Variants in CEP170 observed in about 807,000 individuals in gnomAD.
The protein encoded by CEP170 is centrosomal protein 170.
CEP170 carries 21 observed loss-of-function variants against 151.9 expected under a neutral mutation model. The ratio of observed to expected loss-of-function variants is 0.14; its 90% CI spans 0.10 to 0.20. The LOEUF (loss-of-function observed/expected upper bound fraction) is 0.20. Among genes scored for constraint, CEP170 ranks in the 10% least tolerant of loss-of-function variants. The pLI, the probability that CEP170 is intolerant of heterozygous loss-of-function variation, is 1.00. For missense variants in CEP170, 964 were observed against 1,892.9 expected (o/e 0.51, Z 9.11); for synonymous variants, 356 against 648.8 (o/e 0.55, Z 6.86).
chr1:243,242,166 T>C (rs7549860), intron 1 of CEP170, among the ~76,000 whole-genome samples: 7,448 of 152,266 alleles, frequency 0.049, 381 homozygotes, highest in African/African-American at 0.13. Flanking sequence ...GACGTTAATT[T>C]GGAATCGACC....
intron 1 of CEP170, among the ~76,000 whole-genome samples, chr1:243,248,777 CA>C (rs1430421784): frequency 1.3e-5 from 2 of 152,126 alleles, no homozygotes; most frequent in Admixed American, 6.6e-5. Flanking sequence ...TGGCTTTGCT[CA>C]AAATCCTCCA....
At chr1:243,146,020 AAT>A (rs1475697078) in intron 14 of CEP170, among the ~76,000 whole-genome samples, 6 of 152,216 alleles carry the variant, frequency 3.9e-5, no homozygotes, top group Non-Finnish European at 4.4e-5. Context: ...GGAAAAAGAA[AAT>A]ATAAGGAAAA....
At chr1:243,225,533 G>C (rs1359695857) in intron 1 of CEP170, among the ~76,000 whole-genome samples, 1 of 152,120 alleles carries the variant, frequency 6.6e-6, no homozygotes, top group South Asian at 2.1e-4. Flanking sequence ...CAGTTAAAAA[G>C]GAAGAGACTA....
At chr1:243,134,940 T>A (rs940584339) in intron 17 of CEP170, among the ~76,000 whole-genome samples, 1 of 152,102 alleles carries the variant, frequency 6.6e-6, no homozygotes, top group African/African-American at 2.4e-5. Context: ...TAAAATATGA[T>A]CAAGTTTGTA....
rs533792137 is a variant in CEP170, at chr1:243,224,301, T to C, written c.105+875A>G. On this transcript the variant is annotated intron_variant, in intron 2 of 19. Transcript: ENST00000366542. Reference sequence around the variant, plus strand: ...GGCAATTTTGACCAGGCCCTTTTTTTCCTGTTACTTAAACTTCTGGTAAGA... The same window carrying C: ...GGCAATTTTGACCAGGCCCTTTTTTCCCTGTTACTTAAACTTCTGGTAAGA... Among the ~76,000 whole-genome samples, 3 of 152,322 alleles carry C rather than the reference T, an allele frequency of 2.0e-5. No individual in the cohort carries two copies. In the South Asian group the frequency reaches 6.2e-4, roughly 32 times the overall value.
chr1:243,159,802 T>TGTGTGTGTGTGTG (rs58250126), intron 13 of CEP170, among the ~76,000 whole-genome samples: 11 of 151,012 alleles, frequency 7.3e-5, no homozygotes, highest in South Asian at 2.1e-4. Flanking sequence ...TGTGTGTGTG[T>TGTGTGTGTGTGTG]TTTTGAGATG....
chr1:243,159,008 A>G (rs1488841793), intron 13 of CEP170, among the ~76,000 whole-genome samples: 2 of 152,192 alleles, frequency 1.3e-5, no homozygotes, highest in African/African-American at 4.8e-5. Flanking sequence ...CGGAGGGTGC[A>G]GTGAGCTGAG....
chr1:243,161,020 A>G (rs1325555811), intron 13 of CEP170, among the ~76,000 whole-genome samples: 1 of 151,048 alleles, frequency 6.6e-6, no homozygotes, highest in Non-Finnish European at 1.5e-5. Context: ...TTACAACTTG[A>G]TATCAAGAAT....
chr1:243,153,682 T>C (rs1349038593), intron 14 of CEP170, among the ~76,000 whole-genome samples: 1 of 152,204 alleles, frequency 6.6e-6, no homozygotes, highest in African/African-American at 2.4e-5. Flanking sequence ...GAAGCAGTGT[T>C]ACTGCACACA....
chr1:243,183,412 G>A (rs1051282805), intron 10 of CEP170, among the ~76,000 whole-genome samples: 3 of 152,002 alleles, frequency 2.0e-5, no homozygotes, highest in African/African-American at 7.3e-5. Context: ...ACTCATCCAG[G>A]CAACTTGATA....
At chr1:243,180,380 G>A (rs1333564293) in intron 10 of CEP170, among the ~76,000 whole-genome samples, 1 of 152,184 alleles carries the variant, frequency 6.6e-6, no homozygotes, top group Non-Finnish European at 1.5e-5. Context: ...CAGGAAGGAG[G>A]CAGCAGAGGT....
chr1:243,187,341 C>A (rs1483315724), intron 8 of CEP170, among the ~76,000 whole-genome samples: 1 of 151,990 alleles, frequency 6.6e-6, no homozygotes, highest in East Asian at 1.9e-4. Flanking sequence ...TATTTTTTTC[C>A]TGATTTAAAA....
rs111657767 is a variant in CEP170, at chr1:243,153,525, C to A, written c.3911+2696G>T. On this transcript the variant is annotated intron_variant, in intron 14 of 19. Transcript: ENST00000366542. ...CCACAGTCATCCCAGCCTTCAGCAA[C>A]CACTGCCCTTGAATAAGTCCACAGT... Among the ~76,000 whole-genome samples, 431 of 152,320 alleles carry A rather than the reference C, an allele frequency of 2.8e-3. 2 individuals are homozygous for A. The highest frequency in any genetic ancestry group is 0.02 in the Middle Eastern group (6 of 294).
chr1:243,176,875 C>A (rs541276103), intron 10 of CEP170: 2 of 399,214 alleles, frequency 5.0e-6, no homozygotes, highest in East Asian at 1.4e-4. Flanking sequence ...AAGAACCAAA[C>A]GATATTTTTA....
intron 14 of CEP170, among the ~76,000 whole-genome samples, chr1:243,148,416 C>CA (rs200455672): frequency 0.036 from 5,510 of 151,122 alleles, 143 homozygotes; most frequent in Middle Eastern, 0.14. Context: ...ACTAAAAATA[C>CA]AAAAAAAATT....
At chr1:243,209,476 T>A (rs4614242) in intron 4 of CEP170, among the ~76,000 whole-genome samples, 54 of 152,134 alleles carry the variant, frequency 3.5e-4, no homozygotes, top group Admixed American at 7.8e-4. Context: ...TGTGAGCCAC[T>A]GCGCCCAGCC....
intron 3 of CEP170, among the ~76,000 whole-genome samples, chr1:243,215,562 G>A (rs2148940344): frequency 6.6e-6 from 1 of 152,232 alleles, no homozygotes; most frequent in Non-Finnish European, 1.5e-5. Flanking sequence ...ATTAGGACGA[G>A]GAAATTCCCA....
chr1:243,221,325 A>G (rs1170096786), intron 3 of CEP170, among the ~76,000 whole-genome samples: 1 of 152,178 alleles, frequency 6.6e-6, no homozygotes, highest in Non-Finnish European at 1.5e-5. Context: ...GCCCGGCCCC[A>G]GCTCCATCTT....
intron 7 of CEP170, among the ~76,000 whole-genome samples, chr1:243,197,996 C>A (rs2060775117): frequency 6.6e-6 from 1 of 152,056 alleles, no homozygotes; most frequent in Non-Finnish European, 1.5e-5. Context: ...TTAGAGCATA[C>A]CTAAAGAACC....
Sources: gnomAD v4.1 joint callset for allele counts (sites outside exome capture counted in the v4.1 genomes callset) on GRCh38, gnomAD v4.1.1 for gene constraint, MANE v1.5 for transcripts, NCBI Gene and HGNC (gene_info 2026-07-23, HGNC 2026-07-21) for gene names.